ANKHD1: variants seen among roughly 807,000 people sequenced by gnomAD.
ANKHD1 encodes ankyrin repeat and KH domain containing 1, also known as ankyrin repeat and KH domain-containing protein 1.
In ANKHD1, 31 loss-of-function variants were observed where a neutral mutation model predicts 230.5. That is an observed-to-expected ratio of 0.13 (90% CI 0.10 to 0.18). The LOEUF is 0.18. ANKHD1 is among the 10% of genes least tolerant of loss of function. The probability of loss-of-function intolerance (pLI) is 1.00; values close to 1 mark genes in which losing one functional copy is unlikely to be tolerated. For synonymous variants in ANKHD1, 1,074 were observed against 1,117.6 expected, an observed-to-expected ratio of 0.96 and a Z score of 0.78; for missense variants, 2,256 against 3,071.3, an observed-to-expected ratio of 0.73 and a Z score of 6.27.
At chr5:140,448,692 C>T (rs1007301699) in intron 6 of ANKHD1, among the ~76,000 whole-genome samples, 5 of 152,122 alleles carry the variant, frequency 3.3e-5, no homozygotes, top group Admixed American at 6.5e-5. Flanking sequence ...GTTGAATTAT[C>T]ATTTCATATC....
chr5:140,446,949 G>A (rs1774328206), intron 6 of ANKHD1, among the ~76,000 whole-genome samples: 1 of 151,274 alleles, frequency 6.6e-6, no homozygotes, highest in South Asian at 2.1e-4. Context: ...CACTCTTGTT[G>A]CCCAGGCTGG....
intron 11 of ANKHD1, 200 bp from the exon 12 acceptor site, chr5:140,484,921 A>G (rs1751436904): frequency 2.5e-6 from 2 of 813,086 alleles, no homozygotes; most frequent in Non-Finnish European, 3.3e-6. Context: ...TGGTATGTGG[A>G]TAATGTTCTG....
intron 10 of ANKHD1, among the ~76,000 whole-genome samples, chr5:140,474,393 C>G (rs1299302146): frequency 6.6e-6 from 1 of 152,102 alleles, no homozygotes; most frequent in Non-Finnish European, 1.5e-5. Context: ...CCCTCCAACT[C>G]CAAAAGACAT....
rs1301319864 is a variant in ANKHD1 at position 140,504,723 on chromosome 5, A to G, written c.3005-98A>G. ...AAGCTTGTGATTTTACTATTACTAC[A>G]TATTACTGCTATGGAAATTTCTGTT... On this transcript the variant is annotated intron_variant, in intron 15 of 33. Coordinates refer to ENST00000360839, the MANE Select transcript of ANKHD1 (RefSeq NM_017747.3). The G allele has an allele frequency of 2.7e-6, 4 of 1,473,250 alleles. No individual in the cohort carries two copies. In the African/African-American group the frequency reaches 5.6e-5, roughly 21 times the overall value. 91.3% of individuals were successfully genotyped at this position (1,473,250 alleles called of 1,614,324 possible). A position where few individuals can be genotyped will look rare whatever the true frequency, so the allele number is the denominator to read the frequency against.
intron 10 of ANKHD1, among the ~76,000 whole-genome samples, chr5:140,469,158 A>G (rs1412799330): frequency 6.6e-6 from 1 of 150,578 alleles, no homozygotes; most frequent in African/African-American, 2.4e-5. Context: ...CCTTTTTTAA[A>G]CAGTTTAATT....
At chr5:140,503,553 C>CTTT (rs70988767) in intron 15 of ANKHD1, among the ~76,000 whole-genome samples, 1,397 of 51,420 alleles carry the variant, frequency 0.027, 166 homozygotes, top group Non-Finnish European at 0.029. Context: ...AGTTTTCTTT[C>CTTT]TTTTTTTTTT....
chr5:140,448,263 A>G (rs564109762), intron 6 of ANKHD1, among the ~76,000 whole-genome samples: 9 of 152,304 alleles, frequency 5.9e-5, no homozygotes, highest in Admixed American at 2.0e-4. Context: ...AAATACATCA[A>G]ATAGATGTAC....
At chr5:140,479,736 AT>A (rs1751170794) in intron 10 of ANKHD1, among the ~76,000 whole-genome samples, 1 of 149,596 alleles carries the variant, frequency 6.7e-6, no homozygotes, top group Non-Finnish European at 1.5e-5. Context: ...ACATAGGTAT[AT>A]ATATATACTT....
chr5:140,495,419 G>A (rs1751987181), intron 14 of ANKHD1, among the ~76,000 whole-genome samples: 1 of 151,910 alleles, frequency 6.6e-6, no homozygotes, highest in African/African-American at 2.4e-5. Context: ...CTGATTTTTT[G>A]TATTTTTAGT....
intron 29 of ANKHD1, among the ~76,000 whole-genome samples, chr5:140,533,800 CAAG>C (rs1753951574): frequency 9.3e-6 from 1 of 107,540 alleles, no homozygotes; most frequent in Non-Finnish European, 2.0e-5. Flanking sequence ...AAAAAAAAAA[CAAG>C]AAGTTATTAT....
intron 7 of ANKHD1, among the ~76,000 whole-genome samples, chr5:140,458,029 C>T (rs1353514169): frequency 6.6e-6 from 1 of 152,100 alleles, no homozygotes; most frequent in Non-Finnish European, 1.5e-5. Context: ...ATTTTTACAT[C>T]ATTACAAAAT....
chr5:140,440,546 T>C lies in ANKHD1; in HGVS notation c.765+280T>C, dbSNP rs912657049. On this transcript the variant is annotated intron_variant, in intron 4 of 33. Coordinates refer to ENST00000360839, the MANE Select transcript of ANKHD1 (RefSeq NM_017747.3). ...TAATAATAATTTTAAATTTGTCCTTTGAAATAATATACAGCTATAATGGAA... is the reference window on the plus strand; with the variant it reads ...TAATAATAATTTTAAATTTGTCCTTCGAAATAATATACAGCTATAATGGAA... Among the ~76,000 whole-genome samples the C allele has an allele frequency of 2.0e-5, 3 of 152,224 alleles. No homozygotes were observed. In the East Asian group the frequency reaches 5.8e-4, roughly 29 times the overall value.
chr5:140,533,700 G>C (rs1753940034), intron 29 of ANKHD1, among the ~76,000 whole-genome samples: 1 of 148,432 alleles, frequency 6.7e-6, no homozygotes, highest in East Asian at 2.0e-4. Flanking sequence ...CTTGAGCCCA[G>C]AGGTCGAGGC....
At chr5:140,468,153 C>T (rs1294697365) in intron 10 of ANKHD1, among the ~76,000 whole-genome samples, 1 of 131,146 alleles carries the variant, frequency 7.6e-6, no homozygotes, top group Non-Finnish European at 1.5e-5. Flanking sequence ...CGGCTCACTG[C>T]AACCTTCTCC....
At chr5:140,476,045 C>T (rs1440214444) in intron 10 of ANKHD1, among the ~76,000 whole-genome samples, 6 of 151,928 alleles carry the variant, frequency 3.9e-5, no homozygotes, top group Non-Finnish European at 5.9e-5. Flanking sequence ...CTGATAATTA[C>T]GTATTAAGAA....
intron 1 of ANKHD1, among the ~76,000 whole-genome samples, chr5:140,418,637 A>G (rs908567931): frequency 6.6e-6 from 1 of 152,170 alleles, no homozygotes; most frequent in Non-Finnish European, 1.5e-5. Context: ...ATTTCGTATA[A>G]ACAGAATCAT....
intron 15 of ANKHD1, among the ~76,000 whole-genome samples, chr5:140,501,119 C>T (rs1172236205): frequency 7.1e-6 from 1 of 140,362 alleles, no homozygotes; most frequent in African/African-American, 2.7e-5. Flanking sequence ...TTTTTTGAGA[C>T]GGAGTCTCAC....
At chr5:140,438,417 T>G (rs770331349) in intron 2 of ANKHD1, 44 bp from the exon 3 acceptor site, 1 of 1,475,198 alleles carries the variant, frequency 6.8e-7, no homozygotes, top group Non-Finnish European at 9.0e-7. Context: ...TATACTTTTT[T>G]TTTTGTTGTT....
At chr5:140,423,612 C>G (rs1011141413) in intron 1 of ANKHD1, among the ~76,000 whole-genome samples, 1 of 152,192 alleles carries the variant, frequency 6.6e-6, no homozygotes, top group African/African-American at 2.4e-5. Flanking sequence ...CAGGTACATT[C>G]TCTTAGATAT....
Sources: allele counts gnomAD v4.1 joint callset (sites outside exome capture counted in the v4.1 genomes callset), GRCh38; gene constraint gnomAD v4.1.1; transcripts MANE v1.5; gene names NCBI Gene and HGNC (gene_info 2026-07-23, HGNC 2026-07-21).